TRAPPC9: variants seen among roughly 807,000 people sequenced by gnomAD.
The protein encoded by TRAPPC9 is IKK2 binding protein.
A neutral mutation model predicts 124.0 loss-of-function variants in TRAPPC9; 83 were observed. That is an observed-to-expected ratio of 0.67 (90% CI 0.56 to 0.80). The LOEUF (loss-of-function observed/expected upper bound fraction) is 0.80, where lower values mean the gene tolerates loss of function less well. Among genes scored for constraint, TRAPPC9 ranks in the 30% least tolerant of loss-of-function variants. The probability of loss-of-function intolerance (pLI) is 0.00; values close to 1 mark genes in which losing one functional copy is unlikely to be tolerated. For synonymous variants in TRAPPC9, 638 were observed against 617.5 expected, an observed-to-expected ratio of 1.03 and a Z score of -0.49; for missense variants, 1,302 against 1,508.3, an observed-to-expected ratio of 0.86 and a Z score of 2.27.
At chr8:140,363,181 C>G (rs1366736039) in intron 8 of TRAPPC9, among the ~76,000 whole-genome samples, 1 of 152,080 alleles carries the variant, frequency 6.6e-6, no homozygotes, top group Non-Finnish European at 1.5e-5. Flanking sequence ...AATCCCTCGT[C>G]CAGGAAAAGG....
At chr8:139,848,205 C>T (rs1056704978) in intron 21 of TRAPPC9, among the ~76,000 whole-genome samples, 4 of 152,220 alleles carry the variant, frequency 2.6e-5, no homozygotes, top group Non-Finnish European at 2.9e-5. Flanking sequence ...TCCAGCCAGC[C>T]GCCGCCTCCT....
At chr8:140,192,644 A>G (rs937870753) in intron 17 of TRAPPC9, among the ~76,000 whole-genome samples, 34 of 152,236 alleles carry the variant, frequency 2.2e-4, no homozygotes, top group Admixed American at 1.5e-3. Context: ...AGAACCAGAC[A>G]TAACATGAGA....
intron 18 of TRAPPC9, among the ~76,000 whole-genome samples, chr8:140,023,409 T>C (rs1397883583): frequency 6.6e-6 from 1 of 152,138 alleles, no homozygotes. Context: ...TGAAGGAAGA[T>C]TAGGTCTGGA....
At chr8:139,928,693 G>A (rs887823899) in intron 19 of TRAPPC9, among the ~76,000 whole-genome samples, 5 of 150,960 alleles carry the variant, frequency 3.3e-5, no homozygotes, top group Admixed American at 1.3e-4. Flanking sequence ...CATTCTCCAC[G>A]CCATCTCCAT....
At chr8:139,871,506 C>T (rs2131033994) in intron 21 of TRAPPC9, among the ~76,000 whole-genome samples, 1 of 152,326 alleles carries the variant, frequency 6.6e-6, no homozygotes, top group South Asian at 2.1e-4. Context: ...CACCAGTTGG[C>T]CTAATGCCAC....
At chr8:140,235,518 A>G (rs1384777829) in intron 16 of TRAPPC9, among the ~76,000 whole-genome samples, 2 of 152,232 alleles carry the variant, frequency 1.3e-5, no homozygotes, top group African/African-American at 2.4e-5. Flanking sequence ...GTATATATCC[A>G]AATAATAAGT....
At chr8:139,847,815 G>A (rs911879569) in intron 21 of TRAPPC9, among the ~76,000 whole-genome samples, 6 of 152,154 alleles carry the variant, frequency 3.9e-5, no homozygotes, top group African/African-American at 1.4e-4. Context: ...CCTTCCTGAC[G>A]GCCCGGCCTG....
chr8:140,351,695 G>A (rs1170579489), intron 9 of TRAPPC9, among the ~76,000 whole-genome samples: 1 of 152,186 alleles, frequency 6.6e-6, no homozygotes, highest in Admixed American at 6.5e-5. Context: ...TCAGGGACTT[G>A]AGTATCCCTA....
At chr8:140,445,869 G>A (rs1473267461) in intron 2 of TRAPPC9, among the ~76,000 whole-genome samples, 3 of 152,242 alleles carry the variant, frequency 2.0e-5, no homozygotes, top group Non-Finnish European at 2.9e-5. Context: ...ACCTTTCCCT[G>A]AGGGGGATGA....
intron 16 of TRAPPC9, among the ~76,000 whole-genome samples, chr8:140,240,583 T>A (rs2063836206): frequency 6.6e-6 from 1 of 152,212 alleles, no homozygotes; most frequent in Non-Finnish European, 1.5e-5. Context: ...TACCTTCTTT[T>A]ATTTTTTGAG....
intron 19 of TRAPPC9, among the ~76,000 whole-genome samples, chr8:139,977,766 C>T (rs1000385550): frequency 1.3e-5 from 2 of 151,760 alleles, no homozygotes; most frequent in Admixed American, 6.6e-5. Flanking sequence ...CTGTAGCCTC[C>T]GTCTCCTGGG....
chr8:140,183,852 CA>C (rs1203981547), intron 17 of TRAPPC9, among the ~76,000 whole-genome samples: 14 of 55,730 alleles, frequency 2.5e-4, no homozygotes, highest in Non-Finnish European at 3.5e-4. Context: ...GAGACTTTGT[CA>C]AAAAAAAAAA....
In TRAPPC9 at chr8:140,252,455, G is replaced by A. The variant is rs1259231647; in HGVS notation, c.2431+322C>T. On this transcript the variant is annotated intron_variant, in intron 16 of 22. Coordinates refer to ENST00000438773, the MANE Select transcript of TRAPPC9 (RefSeq NM_001160372.4). The surrounding 1 kb of genome is among the most constrained non-coding windows in gnomAD (Gnocchi z 4.2). ...AAAACTTTATCATCACAGCTAATTA[G>A]ATGTCTAAAGAATCACAGCAGTTAT... 1 of 342,918 alleles carries A rather than the reference G, an allele frequency of 2.9e-6. No homozygotes were observed. Among genetic ancestry groups the A allele is most frequent in the African/African-American group, 2.1e-5 (1 of 47,642 alleles). The allele number at this position is 342,918 out of a possible 1,614,324, so 21.2% of individuals were successfully genotyped here. A position where few individuals can be genotyped will look rare whatever the true frequency, so the allele number is the denominator to read the frequency against.
At chr8:140,184,101 G>T (rs1005277758) in intron 17 of TRAPPC9, among the ~76,000 whole-genome samples, 2 of 152,052 alleles carry the variant, frequency 1.3e-5, no homozygotes, top group East Asian at 3.9e-4. Context: ...GGCTGAGAGT[G>T]GGGGCAGGGC....
chr8:140,041,122 C>A (rs1403801791), intron 17 of TRAPPC9: 1 of 152,214 alleles, frequency 6.6e-6, no homozygotes, highest in Non-Finnish European at 1.5e-5. Flanking sequence ...AACAAGCCCT[C>A]AGCTACTAGA....
chr8:140,083,877 G>C (rs1355265619), intron 17 of TRAPPC9, among the ~76,000 whole-genome samples: 2 of 152,138 alleles, frequency 1.3e-5, no homozygotes, highest in African/African-American at 4.8e-5. Flanking sequence ...ATGTTGACCA[G>C]GCTGCTTTTG....
intron 21 of TRAPPC9, among the ~76,000 whole-genome samples, chr8:139,837,557 C>G (rs1328176308): frequency 1.3e-5 from 2 of 152,178 alleles, no homozygotes; most frequent in African/African-American, 2.4e-5. Context: ...TGCACTGCCT[C>G]GGTCTGCTCT....
intron 17 of TRAPPC9, among the ~76,000 whole-genome samples, chr8:140,195,810 CTG>C (rs1214559186): frequency 6.6e-6 from 1 of 151,360 alleles, no homozygotes; most frequent in African/African-American, 2.4e-5. Flanking sequence ...CAGACCACAC[CTG>C]TGATACTAAA....
At chr8:139,880,050 T>G (rs1212666628) in intron 21 of TRAPPC9, among the ~76,000 whole-genome samples, 1 of 152,178 alleles carries the variant, frequency 6.6e-6, no homozygotes, top group Non-Finnish European at 1.5e-5. Context: ...AGGTGCCTGT[T>G]CTCCCTCTCT....
Sources: allele counts gnomAD v4.1 joint callset (sites outside exome capture counted in the v4.1 genomes callset), GRCh38; gene constraint gnomAD v4.1.1; non-coding constraint Gnocchi (gnomAD v3.1); transcripts MANE v1.5; gene names NCBI Gene and HGNC (gene_info 2026-07-23, HGNC 2026-07-21).